LRBA: variants seen among roughly 807,000 people sequenced by gnomAD.
LRBA encodes the protein LPS responsive beige-like anchor protein.
Under a neutral mutation model 330.0 loss-of-function variants are expected in LRBA, and 176 were observed. The observed-to-expected ratio is 0.53, with a 90% CI of 0.47 to 0.60. LRBA has a LOEUF of 0.60. LRBA is among the 20% of genes least tolerant of loss of function. The pLI, the probability that LRBA is intolerant of heterozygous loss-of-function variation, is 0.00. For synonymous variants in LRBA, 1,230 were observed against 1,193.0 expected (o/e 1.03, Z -0.64); for missense variants, 3,259 against 3,444.8 (o/e 0.95, Z 1.35).
intron 40 of LRBA, among the ~76,000 whole-genome samples, chr4:150,512,875 T>TA (rs1761977518): frequency 6.6e-6 from 1 of 152,192 alleles, no homozygotes; most frequent in Non-Finnish European, 1.5e-5. Flanking sequence ...TGTAAGAATA[T>TA]TCAATTCTGC....
At chr4:150,474,670 T>C (rs1230067088) in intron 42 of LRBA, among the ~76,000 whole-genome samples, 1 of 152,176 alleles carries the variant, frequency 6.6e-6, no homozygotes, top group Non-Finnish European at 1.5e-5. Context: ...CTCTTAAAAA[T>C]GTTTTATACT....
chr4:150,852,795 T>C lies in LRBA; in HGVS notation c.2915A>G (p.Gln972Arg), dbSNP rs1750766977. Residue 972 changes from glutamine to arginine, a missense_variant, in exon 23 of 57, where the codon CAG (glutamine) becomes CGG (arginine). Coordinates refer to ENST00000651943, the MANE Select transcript of LRBA (RefSeq NM_001364905.1). ...AGGAGAATCCTTCGTATCTGGTTGC[T>C]GGGATCCTACTGAAACATTAATATC... is the stretch of plus-strand genomic sequence containing the variant. Reference protein sequence around the residue: ...RRDINVSVGSQQPDTKDSPVC... With the variant: ...RRDINVSVGSRQPDTKDSPVC... 1 of 1,613,974 alleles carries C rather than the reference T, an allele frequency of 6.2e-7. No individual in the cohort carries two copies. Among genetic ancestry groups the C allele is most frequent in the African/African-American group, 1.3e-5 (1 of 74,938 alleles).
In LRBA at chr4:150,712,855, A is replaced by G. The variant is rs200521961; in HGVS notation, c.5754+22403T>C. ...GAGTGGTTCTTTTCCAATATATCAC[A>G]CACACATTTAGGAGGAAACACAAAA... is the stretch of plus-strand genomic sequence containing the variant. On this transcript the variant is annotated intron_variant, in intron 36 of 56. Coordinates refer to ENST00000651943, the MANE Select transcript of LRBA (RefSeq NM_001364905.1). Among the ~76,000 whole-genome samples, 5 of 152,140 alleles carry G rather than the reference A, an allele frequency of 3.3e-5. No individual in the cohort carries two copies. The East Asian group carries it at 9.6e-4, about 29-fold the overall frequency.
chr4:150,975,776 A>C (rs1740096384), intron 2 of LRBA, among the ~76,000 whole-genome samples: 1 of 152,100 alleles, frequency 6.6e-6, no homozygotes, highest in Non-Finnish European at 1.5e-5. Context: ...CTGAAAAACA[A>C]AGAAAGAGGT....
chr4:150,604,880 G>A (rs1774474929), intron 37 of LRBA, among the ~76,000 whole-genome samples: 1 of 152,106 alleles, frequency 6.6e-6, no homozygotes, highest in South Asian at 2.1e-4. Flanking sequence ...TCTAAACTTG[G>A]GAACAGGAAA....
rs962644549 is a variant in LRBA at position 150,683,716 on chromosome 4, G to A, written c.5756C>T (p.Ser1919Leu). Residue 1919 changes from serine (S) to leucine (L), a missense_variant and splice_region_variant, in exon 37 of 57, where the codon TCA becomes TTA. Transcript: ENST00000651943. Reference protein sequence around the residue: ...EDIHRHAEFESLCAQYSADKR... With the variant: ...EDIHRHAEFELLCAQYSADKR... ...GTCTGCAGAATACTGGGCACACAGTGACTTGGAGAGAAAAAAAAATAATAC... is the reference window on the plus strand; with the variant it reads ...GTCTGCAGAATACTGGGCACACAGTAACTTGGAGAGAAAAAAAAATAATAC... The A allele has an allele frequency of 1.9e-6, 3 of 1,569,232 alleles. No individual in the cohort carries two copies. In the African/African-American group the frequency reaches 4.1e-5, roughly 21 times the overall value.
chr4:150,870,127 C>T (rs1384040216), intron 20 of LRBA, among the ~76,000 whole-genome samples: 1 of 152,166 alleles, frequency 6.6e-6, no homozygotes, highest in Non-Finnish European at 1.5e-5. Flanking sequence ...ACAAGACTAT[C>T]TTCATAAACA....
At chr4:150,799,983 G>A (rs986558418) in intron 33 of LRBA, among the ~76,000 whole-genome samples, 3 of 152,202 alleles carry the variant, frequency 2.0e-5, no homozygotes, top group Non-Finnish European at 4.4e-5. Flanking sequence ...GACCTCAGGT[G>A]ATTCGCCAAC....
At chr4:150,649,826 T>G (rs889813978) in intron 37 of LRBA, among the ~76,000 whole-genome samples, 2 of 152,178 alleles carry the variant, frequency 1.3e-5, no homozygotes, top group Non-Finnish European at 2.9e-5. Context: ...TACATATTTT[T>G]TAATGAATAA....
At chr4:150,522,512 T>G (rs77267172) in intron 40 of LRBA, among the ~76,000 whole-genome samples, 2,587 of 152,276 alleles carry the variant, frequency 0.017, 59 homozygotes, top group African/African-American at 0.055. Flanking sequence ...ACCTATTACA[T>G]GCCCAGAGTG....
chr4:150,829,938 G>A (rs1391591535), intron 29 of LRBA, among the ~76,000 whole-genome samples: 1 of 151,852 alleles, frequency 6.6e-6, no homozygotes, highest in African/African-American at 2.4e-5. Flanking sequence ...AATCATTTTT[G>A]ACTACCTTTT....
intron 37 of LRBA, among the ~76,000 whole-genome samples, chr4:150,677,692 C>G (rs1027539524): frequency 4.6e-5 from 7 of 151,750 alleles, no homozygotes; most frequent in Non-Finnish European, 5.9e-5. Context: ...GTCCTAGCTA[C>G]TCAGGAGAGG....
intron 2 of LRBA, among the ~76,000 whole-genome samples, chr4:150,932,450 T>C (rs1417146761): frequency 6.6e-6 from 1 of 151,924 alleles, no homozygotes; most frequent in Admixed American, 6.6e-5. Context: ...CAACTTTGCT[T>C]ACAAAATGAA....
At chr4:150,315,661 T>G (rs1731633710) in intron 50 of LRBA, 38 bp from the exon 51 acceptor site, 1 of 1,290,092 alleles carries the variant, frequency 7.8e-7, no homozygotes, top group Admixed American at 2.3e-5. Context: ...AGGCATTATT[T>G]TTTATATACT....
chr4:150,956,345 C>T (rs758250345), intron 2 of LRBA, among the ~76,000 whole-genome samples: 13 of 148,588 alleles, frequency 8.7e-5, no homozygotes, highest in Non-Finnish European at 1.9e-4. Context: ...TACAAACAGA[C>T]CTACAACAAG....
At chr4:150,421,361 T>A (rs1211571205) in intron 46 of LRBA, among the ~76,000 whole-genome samples, 1 of 146,988 alleles carries the variant, frequency 6.8e-6, no homozygotes, top group Non-Finnish European at 1.5e-5. Context: ...TATATACATA[T>A]ATACACATAC....
At chr4:150,992,120 A>G (rs1742156759) in intron 2 of LRBA, among the ~76,000 whole-genome samples, 1 of 152,182 alleles carries the variant, frequency 6.6e-6, no homozygotes, top group Non-Finnish European at 1.5e-5. Context: ...GTTCGAGACC[A>G]GCCTAGCCAA....
chr4:150,351,710 A>C (rs150779778), intron 47 of LRBA, among the ~76,000 whole-genome samples: 25 of 152,176 alleles, frequency 1.6e-4, no homozygotes, highest in African/African-American at 5.8e-4. Flanking sequence ...CAAAACAAAA[A>C]AACTATACAG....
chr4:150,292,227 A>G (rs1728402185), intron 53 of LRBA, among the ~76,000 whole-genome samples: 1 of 152,226 alleles, frequency 6.6e-6, no homozygotes, highest in Non-Finnish European at 1.5e-5. Flanking sequence ...CAGTGAGAAG[A>G]ATATTTCATA....
Sources: allele counts gnomAD v4.1 joint callset (sites outside exome capture counted in the v4.1 genomes callset), GRCh38; gene constraint gnomAD v4.1.1; transcripts MANE v1.5; gene names NCBI Gene and HGNC (gene_info 2026-07-23, HGNC 2026-07-21).